Variants in AFF3 observed in about 807,000 individuals in gnomAD.
AFF3 encodes ALF transcription elongation factor 3.
AFF3 carries 32 observed loss-of-function variants against 129.7 expected under a neutral mutation model. The ratio of observed to expected loss-of-function variants is 0.25; its 90% CI spans 0.19 to 0.33. The LOEUF (loss-of-function observed/expected upper bound fraction) is 0.33. Among genes scored for constraint, AFF3 ranks in the 10% least tolerant of loss-of-function variants. The pLI is 1.00. For synonymous variants in AFF3, 644 were observed against 635.4 expected, an observed-to-expected ratio of 1.01 and a Z score of -0.20; for missense variants, 1,373 against 1,592.0, an observed-to-expected ratio of 0.86 and a Z score of 2.34.
intron 10 of AFF3, among the ~76,000 whole-genome samples, chr2:99,730,649 G>C (rs1394947299): frequency 6.6e-6 from 1 of 151,720 alleles, no homozygotes; most frequent in East Asian, 1.9e-4. Flanking sequence ...CGAGTAGCTG[G>C]GACTACAGGT....
intron 2 of AFF3, among the ~76,000 whole-genome samples, chr2:100,127,027 G>C (rs1692221231): frequency 6.6e-6 from 1 of 152,178 alleles, no homozygotes; most frequent in Non-Finnish European, 1.5e-5. Context: ...ATTATTGGCA[G>C]TTGCGGGTGG....
intron 12 of AFF3, among the ~76,000 whole-genome samples, chr2:99,653,537 A>G (rs1045571607): frequency 1.3e-5 from 2 of 152,248 alleles, no homozygotes; most frequent in Non-Finnish European, 2.9e-5. Flanking sequence ...GAAAACAAAC[A>G]AACAAAAAGA....
intron 19 of AFF3, among the ~76,000 whole-genome samples, chr2:99,568,500 C>A (rs1302804186): frequency 1.3e-5 from 2 of 152,092 alleles, no homozygotes; most frequent in African/African-American, 4.8e-5. Context: ...ATCCTGGGAC[C>A]AAGCCAAGGG....
At chr2:99,902,422 A>G (rs1361024778) in intron 7 of AFF3, among the ~76,000 whole-genome samples, 1 of 151,996 alleles carries the variant, frequency 6.6e-6, no homozygotes, top group Admixed American at 6.6e-5. Context: ...CACACCGCGC[A>G]CTCACTACAT....
intron 7 of AFF3, among the ~76,000 whole-genome samples, chr2:99,982,264 G>A (rs34506349): frequency 0.025 from 3,877 of 152,200 alleles, 72 homozygotes; most frequent in Non-Finnish European, 0.037. Context: ...GGTCTTTCCC[G>A]TGCCGTTCTC....
intron 13 of AFF3, among the ~76,000 whole-genome samples, chr2:99,643,412 G>A (rs534311332): frequency 6.6e-6 from 1 of 152,232 alleles, no homozygotes; most frequent in Admixed American, 6.5e-5. Flanking sequence ...GAAGGCTGCT[G>A]AGGGCCTCAG....
chr2:99,572,916 C>T (rs1192049832), intron 18 of AFF3, among the ~76,000 whole-genome samples: 3 of 152,222 alleles, frequency 2.0e-5, no homozygotes, highest in South Asian at 2.1e-4. Flanking sequence ...ACTTTGATGT[C>T]GGCTGGGGCT....
At chr2:99,928,015 A>AGCTT (rs1313148867) in intron 7 of AFF3, among the ~76,000 whole-genome samples, 2 of 152,054 alleles carry the variant, frequency 1.3e-5, no homozygotes, top group African/African-American at 4.8e-5. Flanking sequence ...CCCCTACACA[A>AGCTT]GCTCTCTCTC....
intron 4 of AFF3, among the ~76,000 whole-genome samples, chr2:100,055,474 A>AAAAAAG (rs1553514577): frequency 2.6e-4 from 40 of 151,546 alleles, no homozygotes; most frequent in African/African-American, 8.9e-4. Context: ...AAAAAAAAAA[A>AAAAAAG]AAAAGAAAAG....
chr2:99,869,095 C>T (rs2105952466), intron 7 of AFF3, among the ~76,000 whole-genome samples: 1 of 152,246 alleles, frequency 6.6e-6, no homozygotes, highest in Admixed American at 6.5e-5. Context: ...CCGTGCCCAG[C>T]AAACAGTCCT....
intron 1 of AFF3, among the ~76,000 whole-genome samples, chr2:100,138,714 G>A (rs1452815199): frequency 6.6e-6 from 1 of 152,028 alleles, no homozygotes; most frequent in Non-Finnish European, 1.5e-5. Flanking sequence ...GAGGCCAACG[G>A]GGGGCGCATC....
At chr2:99,703,947 T>C (rs1324617900) in intron 11 of AFF3, among the ~76,000 whole-genome samples, 1 of 152,244 alleles carries the variant, frequency 6.6e-6, no homozygotes, top group Non-Finnish European at 1.5e-5. Flanking sequence ...GGGGTTGTTC[T>C]AAGTATTGCC....
At chr2:99,745,474 T>A (rs1473263520) in intron 9 of AFF3, among the ~76,000 whole-genome samples, 1 of 152,234 alleles carries the variant, frequency 6.6e-6, no homozygotes, top group Admixed American at 6.5e-5. Context: ...CATTGCCAAA[T>A]CCAAGGTCAT....
At chr2:100,009,286 A>G (rs192823405) in intron 4 of AFF3, among the ~76,000 whole-genome samples, 6 of 152,094 alleles carry the variant, frequency 3.9e-5, no homozygotes, top group Admixed American at 2.6e-4. Context: ...TATTTTCTCT[A>G]TGACAGAGCT....
At chr2:99,858,001 T>C (rs1690652867) in intron 7 of AFF3, among the ~76,000 whole-genome samples, 1 of 152,164 alleles carries the variant, frequency 6.6e-6, no homozygotes, top group Non-Finnish European at 1.5e-5. Flanking sequence ...GTTTGGTTGG[T>C]CAACTAACTT....
At chr2:99,572,297 C>T (rs867988944) in intron 18 of AFF3, among the ~76,000 whole-genome samples, 1 of 119,550 alleles carries the variant, frequency 8.4e-6, no homozygotes, top group African/African-American at 3.2e-5. Flanking sequence ...CCCACCACCC[C>T]CCCCCCCCCA....
At chr2:99,914,369 A>G (rs552248214) in intron 7 of AFF3, among the ~76,000 whole-genome samples, 10 of 152,352 alleles carry the variant, frequency 6.6e-5, no homozygotes, top group African/African-American at 2.2e-4. Context: ...GGACAAAACA[A>G]GCCCAAGGAA....
chr2:99,877,320 T>G (rs550510245), intron 7 of AFF3, among the ~76,000 whole-genome samples: 2 of 152,180 alleles, frequency 1.3e-5, no homozygotes, highest in African/African-American at 4.8e-5. Flanking sequence ...AGGAAGATGA[T>G]GAGCTCAGTT....
intron 12 of AFF3, among the ~76,000 whole-genome samples, chr2:99,664,963 A>T (rs899003519): frequency 6.6e-6 from 1 of 152,234 alleles, no homozygotes; most frequent in Non-Finnish European, 1.5e-5. Context: ...GGTCTCCCTG[A>T]GGAAGTGAAA....
Sources: gnomAD v4.1 joint callset for allele counts (sites outside exome capture counted in the v4.1 genomes callset) on GRCh38, gnomAD v4.1.1 for gene constraint, MANE v1.5 for transcripts, NCBI Gene and HGNC (gene_info 2026-07-23, HGNC 2026-07-21) for gene names.